TANC2: variants seen among roughly 807,000 people sequenced by gnomAD.
TANC2 encodes protein TANC2.
In TANC2, 26 loss-of-function variants were observed where a neutral mutation model predicts 210.5. That is an observed-to-expected ratio of 0.12 (90% confidence interval 0.09 to 0.17). The LOEUF (loss-of-function observed/expected upper bound fraction) is 0.17, where lower values mean the gene tolerates loss of function less well. Among genes scored for constraint, TANC2 ranks in the 10% least tolerant of loss-of-function variants. The pLI, the probability that TANC2 is intolerant of heterozygous loss-of-function variation, is 1.00. For synonymous variants in TANC2, 931 were observed against 967.1 expected (o/e 0.96, Z 0.69); for missense variants, 2,129 against 2,608.9 (o/e 0.82, Z 4.01).
At position 63,260,971 on chromosome 17, in the gene TANC2, C is replaced by G. The variant is rs115111842; in HGVS notation, c.1034-6777C>G. ...TGTTGGCTGGTCACGGTGGCTTATGCCTGTAATCCCAGCACTTTGGGAGGC... is the reference window on the plus strand; with the variant it reads ...TGTTGGCTGGTCACGGTGGCTTATGGCTGTAATCCCAGCACTTTGGGAGGC... On this transcript the variant is annotated intron_variant, in intron 8 of 27. Transcript: ENST00000689528. Among the ~76,000 whole-genome samples the G allele has an allele frequency of 4.1e-3, 624 of 152,046 alleles. 5 individuals carry two copies. The highest frequency in any genetic ancestry group is 0.013 in the African/African-American group (541 of 41,464).
intron 7 of TANC2, among the ~76,000 whole-genome samples, chr17:63,202,428 A>G (rs1481433308): frequency 6.6e-6 from 1 of 152,138 alleles, no homozygotes; most frequent in African/African-American, 2.4e-5. Context: ...CAGCAGCTTT[A>G]TGTAGAATAA....
intron 4 of TANC2, among the ~76,000 whole-genome samples, chr17:63,140,349 A>G (rs566267151): frequency 2.0e-5 from 3 of 152,332 alleles, no homozygotes; most frequent in Admixed American, 6.5e-5. Context: ...AAATGGCAGC[A>G]GATTCATACA....
intron 8 of TANC2, among the ~76,000 whole-genome samples, chr17:63,257,384 G>A (rs965050860): frequency 6.6e-6 from 1 of 152,052 alleles, no homozygotes; most frequent in South Asian, 2.1e-4. Context: ...TTGAGATAGG[G>A]TCTCACTTTG....
At chr17:62,990,847 T>C (rs1254050263) in intron 1 of TANC2, among the ~76,000 whole-genome samples, 1 of 152,106 alleles carries the variant, frequency 6.6e-6, no homozygotes, top group Non-Finnish European at 1.5e-5. Flanking sequence ...TCTGATAATT[T>C]TTATGGCATG....
chr17:63,032,119 A>C (rs1423583057), intron 2 of TANC2, among the ~76,000 whole-genome samples: 1 of 152,162 alleles, frequency 6.6e-6, no homozygotes, highest in Non-Finnish European at 1.5e-5. Context: ...TTCTCTTGCA[A>C]CCTTGCACAT....
At chr17:63,092,699 A>G (rs145224274) in intron 3 of TANC2, among the ~76,000 whole-genome samples, 7 of 152,056 alleles carry the variant, frequency 4.6e-5, no homozygotes, top group African/African-American at 1.4e-4. Context: ...GGGAGGTGAT[A>G]CATACTTTTA....
At chr17:63,074,062 A>T in intron 3 of TANC2, 48 bp downstream of exon 3, 1 of 1,455,158 alleles carries the variant, frequency 6.9e-7, no homozygotes, top group Non-Finnish European at 9.4e-7. Context: ...ATAACGATAG[A>T]TATTTCTTTC....
intron 3 of TANC2, among the ~76,000 whole-genome samples, chr17:63,092,897 A>C (rs1385445436): frequency 6.6e-6 from 1 of 152,106 alleles, no homozygotes; most frequent in Admixed American, 6.6e-5. Flanking sequence ...TACTTAGTGA[A>C]GCGTCTGTTC....
At chr17:63,277,320 G>A (rs180751999) in intron 9 of TANC2, among the ~76,000 whole-genome samples, 1 of 148,348 alleles carries the variant, frequency 6.7e-6, no homozygotes, top group Admixed American at 6.7e-5. Flanking sequence ...TCCGGGGTGC[G>A]TGTGAAGGTT....
At chr17:63,149,409 C>T (rs2039571489) in intron 4 of TANC2, 1 of 151,986 alleles carries the variant, frequency 6.6e-6, no homozygotes, top group African/African-American at 2.4e-5. Context: ...TACATTTCTA[C>T]CTTAAGTTTC....
chr17:63,007,782 G>T (rs1011618899), intron 1 of TANC2, among the ~76,000 whole-genome samples: 1 of 151,878 alleles, frequency 6.6e-6, no homozygotes, highest in Non-Finnish European at 1.5e-5. Flanking sequence ...GCCTATCATT[G>T]TTATTTTTAT....
intron 12 of TANC2, among the ~76,000 whole-genome samples, chr17:63,341,061 C>G (rs2046214051): frequency 6.6e-6 from 1 of 152,146 alleles, no homozygotes; most frequent in Admixed American, 6.5e-5. Flanking sequence ...GTGCCAGAAG[C>G]CAAAGAAAAG....
chr17:63,021,089 T>A (rs1309123906), intron 2 of TANC2, among the ~76,000 whole-genome samples: 1 of 152,158 alleles, frequency 6.6e-6, no homozygotes, highest in Non-Finnish European at 1.5e-5. Flanking sequence ...AACATGAGAT[T>A]TGGAGGGGAC....
intron 2 of TANC2, among the ~76,000 whole-genome samples, chr17:63,030,237 T>C (rs1041822765): frequency 2.5e-4 from 38 of 152,164 alleles, no homozygotes; most frequent in Admixed American, 6.6e-5. Flanking sequence ...AGTTTTGTTA[T>C]TGTGGTAGTT....
chr17:63,162,972 AT>A (rs2040079741), intron 5 of TANC2, among the ~76,000 whole-genome samples: 1 of 151,998 alleles, frequency 6.6e-6, no homozygotes, highest in African/African-American at 2.4e-5. Context: ...GGAGTTACAC[AT>A]TAGGTGAAGA....
At chr17:63,013,793 A>G (rs1352565200) in intron 2 of TANC2, among the ~76,000 whole-genome samples, 2 of 132,772 alleles carry the variant, frequency 1.5e-5, no homozygotes, top group Non-Finnish European at 3.2e-5. Context: ...AAAAATCTTT[A>G]TCATCTATTC....
intron 2 of TANC2, among the ~76,000 whole-genome samples, chr17:63,041,392 G>A (rs1472601709): frequency 6.6e-6 from 1 of 152,010 alleles, no homozygotes; most frequent in Admixed American, 6.6e-5. Context: ...AAAGAAATCT[G>A]ATTGGTTCCT....
At chr17:63,167,504 T>C (rs1257196084) in intron 5 of TANC2, among the ~76,000 whole-genome samples, 1 of 152,180 alleles carries the variant, frequency 6.6e-6, no homozygotes, top group Non-Finnish European at 1.5e-5. Context: ...TTTGCTTATC[T>C]TTAGTTCAGT....
intron 14 of TANC2, among the ~76,000 whole-genome samples, chr17:63,372,977 C>G (rs1246007992): frequency 1.3e-5 from 2 of 150,384 alleles, no homozygotes; most frequent in Admixed American, 6.7e-5. Flanking sequence ...TTGCTGCAGC[C>G]TCAACCTCCC....
Sources: gnomAD v4.1 joint callset for allele counts (sites outside exome capture counted in the v4.1 genomes callset) on GRCh38, gnomAD v4.1.1 for gene constraint, MANE v1.5 for transcripts, NCBI Gene and HGNC (gene_info 2026-07-23, HGNC 2026-07-21) for gene names.